Variants in LAPTM4B observed in about 807,000 individuals in gnomAD.
LAPTM4B encodes the protein lysosomal protein transmembrane 4 beta.
LAPTM4B carries 26 observed loss-of-function variants against 28.5 expected under a neutral mutation model. That is an observed-to-expected ratio of 0.91 (90% CI 0.67 to 1.27). The LOEUF (loss-of-function observed/expected upper bound fraction) is 1.27. Among genes scored for constraint, LAPTM4B ranks in the 50% most tolerant of loss-of-function variants. LAPTM4B has a pLI of 0.00. For missense variants in LAPTM4B, 288 were observed against 285.8 expected (o/e 1.01, Z -0.06); for synonymous variants, 109 against 106.4 (o/e 1.02, Z -0.15).
chr8:97,783,272 T>G (rs1816351697), intron 1 of LAPTM4B, among the ~76,000 whole-genome samples: 1 of 151,942 alleles, frequency 6.6e-6, no homozygotes, highest in Non-Finnish European at 1.5e-5. Context: ...TTTTCTTTCT[T>G]TCTTTTTCTT....
intron 1 of LAPTM4B, among the ~76,000 whole-genome samples, chr8:97,781,795 A>G (rs1415440564): frequency 6.6e-6 from 1 of 152,170 alleles, no homozygotes; most frequent in East Asian, 1.9e-4. Flanking sequence ...TTCACTTAGC[A>G]TAACTTCTTT....
At chr8:97,814,944 G>C (rs1322116364) in intron 2 of LAPTM4B, among the ~76,000 whole-genome samples, 1 of 152,050 alleles carries the variant, frequency 6.6e-6, no homozygotes, top group Non-Finnish European at 1.5e-5. Flanking sequence ...CGCCCTCCTC[G>C]GCCTCCCAAA....
intron 6 of LAPTM4B, among the ~76,000 whole-genome samples, chr8:97,837,002 T>G (rs1040910102): frequency 6.6e-6 from 1 of 152,058 alleles, no homozygotes; most frequent in African/African-American, 2.4e-5. Context: ...CCAGATTATC[T>G]TCTCAGTGTC....
At chr8:97,815,107 A>G (rs1031197987) in intron 2 of LAPTM4B, among the ~76,000 whole-genome samples, 82 of 152,190 alleles carry the variant, frequency 5.4e-4, no homozygotes, top group African/African-American at 1.9e-3. Flanking sequence ...AGTAATACCT[A>G]ATTCATTATT....
chr8:97,824,789 C>G (rs1300409601), intron 5 of LAPTM4B, among the ~76,000 whole-genome samples: 1 of 152,068 alleles, frequency 6.6e-6, no homozygotes, highest in African/African-American at 2.4e-5. Flanking sequence ...TCATTCAACT[C>G]TCATCCCTCC....
At chr8:97,827,620 A>G (rs2512050) in intron 6 of LAPTM4B, among the ~76,000 whole-genome samples, 71,505 of 152,028 alleles carry the variant, frequency 0.47, 17,084 homozygotes, top group East Asian at 0.57. Flanking sequence ...ACTTTTGGGG[A>G]TTGAGCCCTT....
intron 1 of LAPTM4B, among the ~76,000 whole-genome samples, chr8:97,787,831 G>T (rs1816428055): frequency 1.3e-5 from 2 of 151,746 alleles, no homozygotes; most frequent in South Asian, 2.1e-4. Flanking sequence ...ACTTAAAAAT[G>T]ATTTATTTAT....
intron 6 of LAPTM4B, among the ~76,000 whole-genome samples, chr8:97,845,097 A>T (rs1238101131): frequency 1.1e-4 from 16 of 152,184 alleles, no homozygotes; most frequent in African/African-American, 3.9e-4. Context: ...CTGCTTTGCT[A>T]GTTGCTGATG....
chr8:97,816,830 C>G (rs559720737), intron 4 of LAPTM4B, among the ~76,000 whole-genome samples: 1 of 152,244 alleles, frequency 6.6e-6, no homozygotes, highest in African/African-American at 2.4e-5. Flanking sequence ...ACCCTAGCCA[C>G]TCGGGAGGCT....
intron 2 of LAPTM4B, 65 bp from the exon 3 acceptor site, chr8:97,815,263 A>G (rs772413863): frequency 8.3e-7 from 1 of 1,202,404 alleles, no homozygotes; most frequent in South Asian, 1.2e-5. Flanking sequence ...GAAGAGACTG[A>G]AAGTATTCAG....
Position 97,825,046 on chromosome 8 carries a change from C to T in LAPTM4B, c.508-12C>T, listed in dbSNP as rs538397671. ...GAAAATTAAAAATCTGATAATCACT[C>T]CTCATTTTCAGGGTTACTTGATTAG... On this transcript the variant is annotated splice_polypyrimidine_tract_variant and intron_variant, in intron 5 of 6. Coordinates refer to ENST00000521545, the MANE Select transcript of LAPTM4B (RefSeq NM_018407.6). The T allele has an allele frequency of 4.9e-6, 7 of 1,435,188 alleles. No individual in the cohort carries two copies. Among genetic ancestry groups the T allele is most frequent in the Non-Finnish European group, 6.9e-6 (7 of 1,019,372 alleles). 88.9% of individuals were successfully genotyped at this position (1,435,188 alleles called of 1,614,324 possible). A position where few individuals can be genotyped will look rare whatever the true frequency, so the allele number is the denominator to read the frequency against.
At chr8:97,809,121 A>C (rs1005169594) in intron 2 of LAPTM4B, among the ~76,000 whole-genome samples, 3 of 152,212 alleles carry the variant, frequency 2.0e-5, no homozygotes, top group African/African-American at 7.2e-5. Flanking sequence ...CTTTCAGGGT[A>C]GCTAAATTAA....
chr8:97,815,684 A>G (rs934538668), intron 3 of LAPTM4B, among the ~76,000 whole-genome samples: 1 of 152,008 alleles, frequency 6.6e-6, no homozygotes, highest in African/African-American at 2.4e-5. Context: ...CTCCCACCTC[A>G]GCCTCCAGAG....
chr8:97,848,001 T>C (rs12114856), intron 6 of LAPTM4B, among the ~76,000 whole-genome samples: 25,789 of 152,258 alleles, frequency 0.17, 2,295 homozygotes, highest in East Asian at 0.23. Context: ...TGGTGGCTCA[T>C]GCCTATAATC....
At chr8:97,825,854 A>G (rs1422159718) in intron 6 of LAPTM4B, among the ~76,000 whole-genome samples, 2 of 152,210 alleles carry the variant, frequency 1.3e-5, no homozygotes, top group Non-Finnish European at 2.9e-5. Context: ...TGCTCCATGC[A>G]TGGTTAGTGA....
At chr8:97,842,174 C>T (rs1817357720) in intron 6 of LAPTM4B, among the ~76,000 whole-genome samples, 1 of 152,202 alleles carries the variant, frequency 6.6e-6, no homozygotes, top group Admixed American at 6.5e-5. Flanking sequence ...TAAAGCTTTA[C>T]TTACAAACAC....
chr8:97,836,556 T>C (rs1817262292), intron 6 of LAPTM4B, among the ~76,000 whole-genome samples: 1 of 152,062 alleles, frequency 6.6e-6, no homozygotes, highest in Admixed American at 6.6e-5. Flanking sequence ...GCCCGGATGG[T>C]GATAAGAGCC....
At chr8:97,846,698 G>A (rs1817438971) in intron 6 of LAPTM4B, among the ~76,000 whole-genome samples, 1 of 152,030 alleles carries the variant, frequency 6.6e-6, no homozygotes, top group Non-Finnish European at 1.5e-5. Flanking sequence ...ATTATTTGAT[G>A]GAGTGCATTC....
At chr8:97,788,716 A>G (rs961686235) in intron 1 of LAPTM4B, among the ~76,000 whole-genome samples, 4 of 146,766 alleles carry the variant, frequency 2.7e-5, no homozygotes, top group Non-Finnish European at 6.0e-5. Flanking sequence ...TTTTTTTGAG[A>G]TGAAGTCTAG....
Sources: allele counts gnomAD v4.1 joint callset (sites outside exome capture counted in the v4.1 genomes callset), GRCh38; gene constraint gnomAD v4.1.1; transcripts MANE v1.5; gene names NCBI Gene and HGNC (gene_info 2026-07-23, HGNC 2026-07-21).